Variants in AP2B1 observed in about 807,000 individuals in gnomAD.
AP2B1 encodes adaptor related protein complex 2 subunit beta 1.
A neutral mutation model predicts 102.0 loss-of-function variants in AP2B1; 23 were observed. The observed-to-expected ratio is 0.23, with a 90% CI of 0.16 to 0.32. AP2B1 has a LOEUF of 0.32. Among genes scored for constraint, AP2B1 ranks in the 10% least tolerant of loss-of-function variants. The pLI is 1.00. For missense variants in AP2B1, 541 were observed against 1,157.4 expected (o/e 0.47, Z 7.73); for synonymous variants, 381 against 421.2 (o/e 0.90, Z 1.17).
At chr17:35,610,888 C>T (rs145353350) in intron 5 of AP2B1, among the ~76,000 whole-genome samples, 270 of 138,210 alleles carry the variant, frequency 2.0e-3, no homozygotes, top group African/African-American at 7.2e-3. Context: ...GCCTGGGTGA[C>T]GGAGCGAGAC....
chr17:35,680,641 G>A (rs2075797151), intron 17 of AP2B1, among the ~76,000 whole-genome samples: 1 of 149,320 alleles, frequency 6.7e-6, no homozygotes, highest in Admixed American at 6.7e-5. Flanking sequence ...CTCCCAAAGT[G>A]TTGGGATTAC....
At chr17:35,595,716 G>A (rs2073247662) in intron 2 of AP2B1, among the ~76,000 whole-genome samples, 1 of 152,064 alleles carries the variant, frequency 6.6e-6, no homozygotes, top group African/African-American at 2.4e-5. Context: ...GCCTCTTTTA[G>A]TACCCCTCTT....
At chr17:35,625,224 C>T (rs1315374843) in intron 6 of AP2B1, among the ~76,000 whole-genome samples, 1 of 152,176 alleles carries the variant, frequency 6.6e-6, no homozygotes, top group Non-Finnish European at 1.5e-5. Context: ...TTTGTATATG[C>T]AGGCACTGTA....
At chr17:35,590,199 T>C (rs2073049905) in intron 1 of AP2B1, among the ~76,000 whole-genome samples, 1 of 152,226 alleles carries the variant, frequency 6.6e-6, no homozygotes, top group Non-Finnish European at 1.5e-5. Context: ...ATTACAGGCG[T>C]GAGCCACCGC....
chr17:35,670,548 C>G (rs369508981), intron 14 of AP2B1, among the ~76,000 whole-genome samples: 2 of 152,214 alleles, frequency 1.3e-5, no homozygotes, highest in African/African-American at 4.8e-5. Context: ...TATGCAAACT[C>G]TTTAAATCTT....
intron 5 of AP2B1, among the ~76,000 whole-genome samples, chr17:35,616,545 C>T (rs560354426): frequency 6.6e-6 from 1 of 152,240 alleles, no homozygotes; most frequent in Admixed American, 6.5e-5. Context: ...TTTTCATATA[C>T]GCTTCAGTCA....
intron 5 of AP2B1, chr17:35,621,451 C>T: frequency 1.6e-6 from 1 of 621,706 alleles, no homozygotes; most frequent in Non-Finnish European, 2.0e-6. Flanking sequence ...ATGGAAGGAA[C>T]TTCAAGAAAT....
At chr17:35,595,377 C>T (rs225302) in intron 2 of AP2B1, among the ~76,000 whole-genome samples, 72,614 of 151,700 alleles carry the variant, frequency 0.48, 17,455 homozygotes, top group East Asian at 0.52. Flanking sequence ...GACCCTATCT[C>T]TATGAAAAAA....
intron 12 of AP2B1, among the ~76,000 whole-genome samples, chr17:35,645,861 C>T (rs1017724084): frequency 3.3e-5 from 5 of 151,920 alleles, no homozygotes; most frequent in African/African-American, 7.3e-5. Context: ...AAAAACAAAA[C>T]AAAACAAAAC....
intron 18 of AP2B1, among the ~76,000 whole-genome samples, chr17:35,705,809 T>G (rs1184934106): frequency 6.6e-6 from 1 of 152,124 alleles, no homozygotes; most frequent in Non-Finnish European, 1.5e-5. Flanking sequence ...TCACGCCTGC[T>G]GGGATTACAG....
intron 18 of AP2B1, among the ~76,000 whole-genome samples, chr17:35,695,360 G>A (rs1267953302): frequency 6.6e-6 from 1 of 152,104 alleles, no homozygotes; most frequent in African/African-American, 2.4e-5. Context: ...CTACCCAGGA[G>A]TAGGAACAGA....
intron 6 of AP2B1, 97 bp downstream of exon 6, chr17:35,624,684 G>C (rs746234965): frequency 2.3e-5 from 26 of 1,148,104 alleles, no homozygotes; most frequent in Non-Finnish European, 2.9e-5. Context: ...AAGGTCAGTG[G>C]CTTCTGGGGT....
intron 5 of AP2B1, among the ~76,000 whole-genome samples, chr17:35,623,882 T>C (rs1207203241): frequency 6.6e-6 from 1 of 152,182 alleles, no homozygotes; most frequent in Non-Finnish European, 1.5e-5. Context: ...AGATTACATA[T>C]TCTCTCAGCA....
intron 2 of AP2B1, among the ~76,000 whole-genome samples, chr17:35,597,548 T>A (rs555182722): frequency 6.6e-6 from 1 of 152,326 alleles, no homozygotes; most frequent in South Asian, 2.1e-4. Flanking sequence ...GCCCACTGAT[T>A]TATTAAAGTA....
chr17:35,597,005 G>T, intron 2 of AP2B1: 1 of 637,310 alleles, frequency 1.6e-6, no homozygotes. Flanking sequence ...GCGCCTGCAC[G>T]GTCCAGCTCG....
At position 35,719,326 on chromosome 17, in the gene AP2B1, C is replaced by A. The variant is rs587730172; in HGVS notation, c.2781+1977C>A. Among the ~76,000 whole-genome samples the A allele has an allele frequency of 2.6e-5, 4 of 152,038 alleles. No homozygotes were observed. In the South Asian group the frequency reaches 8.3e-4, roughly 32 times the overall value. Reference sequence around the variant, plus strand: ...ACATGTATCAATTTGATAACTGCTGCCAGAGTCCAGACACAGACTTGTTCT... The same window carrying A: ...ACATGTATCAATTTGATAACTGCTGACAGAGTCCAGACACAGACTTGTTCT... On this transcript the variant is annotated intron_variant, in intron 21 of 21. Transcript: ENST00000610402.
At chr17:35,640,058 A>G (rs1420097700) in intron 11 of AP2B1, among the ~76,000 whole-genome samples, 11 of 151,554 alleles carry the variant, frequency 7.3e-5, no homozygotes. Context: ...CTGGGATTAT[A>G]GGTGTGCACC....
chr17:35,607,883 G>T, intron 4 of AP2B1: 1 of 427,892 alleles, frequency 2.3e-6, no homozygotes, highest in Non-Finnish European at 4.2e-6. Flanking sequence ...CTAAACCTCT[G>T]CCTGGCACTA....
chr17:35,672,917 C>G (rs1412239757), intron 16 of AP2B1, among the ~76,000 whole-genome samples: 2 of 152,174 alleles, frequency 1.3e-5, no homozygotes, highest in Admixed American at 6.5e-5. Context: ...AGAAAAAGAT[C>G]ATGCCCATAG....
Sources: allele counts gnomAD v4.1 joint callset (sites outside exome capture counted in the v4.1 genomes callset), GRCh38; gene constraint gnomAD v4.1.1; transcripts MANE v1.5; gene names NCBI Gene and HGNC (gene_info 2026-07-23, HGNC 2026-07-21).